PTTG1IP2: variants seen among roughly 807,000 people sequenced by gnomAD.
PTTG1IP2 encodes PTTG1IP family member 2.
intron 6 of PTTG1IP2, among the ~76,000 whole-genome samples, chr7:90,512,200 A>G (rs1378796902): frequency 6.6e-6 from 1 of 152,234 alleles, no homozygotes; most frequent in Non-Finnish European, 1.5e-5. Context: ...CATTGGGAAT[A>G]TAAGTTGTAC....
At chr7:90,510,319 T>G (rs1414118578) in intron 6 of PTTG1IP2, among the ~76,000 whole-genome samples, 1 of 152,180 alleles carries the variant, frequency 6.6e-6, no homozygotes, top group Non-Finnish European at 1.5e-5. Flanking sequence ...AAAGTGCAAA[T>G]TGACTCCTTA....
intron 2 of PTTG1IP2, among the ~76,000 whole-genome samples, chr7:90,485,477 A>G (rs1257907762): frequency 7.2e-5 from 11 of 152,136 alleles, no homozygotes. Context: ...ACTCTCAAAG[A>G]CCCACTATTC....
chr7:90,494,996 AAG>A (rs956240449), intron 6 of PTTG1IP2, among the ~76,000 whole-genome samples: 1 of 152,076 alleles, frequency 6.6e-6, no homozygotes, highest in African/African-American at 2.4e-5. Flanking sequence ...GGTGACGACA[AAG>A]AGACCCCCAT....
intron 6 of PTTG1IP2, among the ~76,000 whole-genome samples, chr7:90,499,686 C>T (rs1474624694): frequency 6.6e-6 from 1 of 151,996 alleles, no homozygotes. Flanking sequence ...CGGGTTCAAG[C>T]GATTCTCCTG....
intron 2 of PTTG1IP2, among the ~76,000 whole-genome samples, chr7:90,482,305 G>C (rs567461389): frequency 6.6e-6 from 1 of 152,046 alleles, no homozygotes; most frequent in Non-Finnish European, 1.5e-5. Context: ...CGTGGACTTG[G>C]AGAGAATATA....
chr7:90,496,087 T>G (rs1562987888), intron 6 of PTTG1IP2, among the ~76,000 whole-genome samples: 1 of 152,236 alleles, frequency 6.6e-6, no homozygotes, highest in Non-Finnish European at 1.5e-5. Context: ...TGCACCTATA[T>G]TCATCAGGGA....
chr7:90,485,721 C>T (rs1797866786), intron 2 of PTTG1IP2, among the ~76,000 whole-genome samples: 1 of 152,196 alleles, frequency 6.6e-6, no homozygotes, highest in African/African-American at 2.4e-5. Flanking sequence ...GGGGCCTGCA[C>T]TTCTTTAGGA....
At chr7:90,481,832 A>G (rs1461492977) in intron 2 of PTTG1IP2, among the ~76,000 whole-genome samples, 2 of 152,088 alleles carry the variant, frequency 1.3e-5, no homozygotes. Flanking sequence ...AACACCTCAC[A>G]CATTTCCCAC....
chr7:90,484,178 CT>C (rs1375104633), intron 2 of PTTG1IP2, among the ~76,000 whole-genome samples: 1 of 142,266 alleles, frequency 7.0e-6, no homozygotes, highest in Non-Finnish European at 1.5e-5. Flanking sequence ...TTTTTTTTTT[CT>C]TTTTTCCCCG....
intron 6 of PTTG1IP2, among the ~76,000 whole-genome samples, chr7:90,504,782 A>T (rs1360145694): frequency 6.6e-6 from 1 of 152,230 alleles, no homozygotes; most frequent in Admixed American, 6.5e-5. Flanking sequence ...AAGTAGCCCT[A>T]TGAAACCCAC....
intron 6 of PTTG1IP2, among the ~76,000 whole-genome samples, chr7:90,504,473 T>G (rs1798102400): frequency 6.6e-6 from 1 of 152,190 alleles, no homozygotes; most frequent in Admixed American, 6.5e-5. Flanking sequence ...TATTTTAGGC[T>G]TTTGGGGCCT....
chr7:90,470,684 G>T (rs17864035), intron 1 of PTTG1IP2, among the ~76,000 whole-genome samples: 2 of 152,280 alleles, frequency 1.3e-5, no homozygotes, highest in Non-Finnish European at 2.9e-5. Flanking sequence ...TCTCCTTCGA[G>T]GGGGTAGGGT....
intron 4 of PTTG1IP2, among the ~76,000 whole-genome samples, chr7:90,490,730 G>C (rs773853954): frequency 6.6e-6 from 1 of 152,158 alleles, no homozygotes; most frequent in Non-Finnish European, 1.5e-5. Context: ...CTAGCTCCTT[G>C]TAAGTGTCAT....
At chr7:90,476,385 A>C (rs977537849) in intron 1 of PTTG1IP2, among the ~76,000 whole-genome samples, 2 of 152,130 alleles carry the variant, frequency 1.3e-5, no homozygotes, top group Non-Finnish European at 2.9e-5. Flanking sequence ...TTTAACTGGG[A>C]AGTGGCATGG....
chr7:90,484,776 C>T (rs1316946769), intron 2 of PTTG1IP2, among the ~76,000 whole-genome samples: 1 of 152,138 alleles, frequency 6.6e-6, no homozygotes, highest in Non-Finnish European at 1.5e-5. Flanking sequence ...CAGGTGTGGC[C>T]TTGCCTTCTT....
chr7:90,497,112 T>G (rs1798001075), intron 6 of PTTG1IP2, among the ~76,000 whole-genome samples: 1 of 152,206 alleles, frequency 6.6e-6, no homozygotes, highest in African/African-American at 2.4e-5. Context: ...TAACATATGG[T>G]CTACGTTAGT....
chr7:90,495,238 C>G (rs1309118205), intron 6 of PTTG1IP2, among the ~76,000 whole-genome samples: 3 of 152,160 alleles, frequency 2.0e-5, no homozygotes, highest in African/African-American at 7.2e-5. Flanking sequence ...TGAGATTTTA[C>G]AGCTAAAATT....
intron 4 of PTTG1IP2, 86 bp from the exon 5 acceptor site, chr7:90,492,153 A>C (rs1797945992): frequency 6.6e-6 from 1 of 152,184 alleles, no homozygotes; most frequent in Non-Finnish European, 1.5e-5. Context: ...AAAATAAAAA[A>C]AGTAGTCTAT....
At chr7:90,479,836 T>C (rs914396176) in intron 2 of PTTG1IP2, among the ~76,000 whole-genome samples, 1 of 152,206 alleles carries the variant, frequency 6.6e-6, no homozygotes, top group East Asian at 1.9e-4. Flanking sequence ...CTAACTTGTA[T>C]TGGATAACAG....
Sources: allele counts gnomAD v4.1 joint callset (sites outside exome capture counted in the v4.1 genomes callset), GRCh38; gene constraint gnomAD v4.1.1; transcripts MANE v1.5; gene names NCBI Gene and HGNC (gene_info 2026-07-23, HGNC 2026-07-21).